The following SLC24A3 variants were observed in gnomAD, a reference collection of about 807,000 sequenced individuals.
The protein encoded by SLC24A3 is sodium/potassium/calcium exchanger 3.
In SLC24A3, 28 loss-of-function variants were observed where a neutral mutation model predicts 75.8. The observed-to-expected ratio is 0.37, with a 90% CI of 0.27 to 0.51. SLC24A3 has a LOEUF of 0.51. Ranked by LOEUF, SLC24A3 falls within the 20% of genes least tolerant of loss-of-function variation. SLC24A3 has a pLI of 0.94. For missense variants in SLC24A3, 663 were observed against 847.8 expected (o/e 0.78, Z 2.71); for synonymous variants, 372 against 334.1 (o/e 1.11, Z -1.24).
At chr20:19,461,260 G>A (rs1237115313) in intron 2 of SLC24A3, among the ~76,000 whole-genome samples, 1 of 152,102 alleles carries the variant, frequency 6.6e-6, no homozygotes, top group Non-Finnish European at 1.5e-5. Flanking sequence ...ATAAGTCCCT[G>A]TCCTCCACCT....
intron 2 of SLC24A3, among the ~76,000 whole-genome samples, chr20:19,460,682 G>T (rs1260845600): frequency 2.6e-5 from 4 of 152,056 alleles, no homozygotes; most frequent in Non-Finnish European, 5.9e-5. Context: ...TTCCCTCCGG[G>T]GTGTTTATGG....
At chr20:19,594,431 T>C (rs371698805) in intron 6 of SLC24A3, among the ~76,000 whole-genome samples, 2 of 152,244 alleles carry the variant, frequency 1.3e-5, no homozygotes, top group African/African-American at 4.8e-5. Context: ...TTAAAGGTGG[T>C]TTGTCTCGTA....
intron 12 of SLC24A3, among the ~76,000 whole-genome samples, chr20:19,691,397 A>C (rs1162516623): frequency 6.6e-6 from 1 of 152,174 alleles, no homozygotes; most frequent in Non-Finnish European, 1.5e-5. Context: ...AAGACCAGGG[A>C]GTATGTGAGC....
chr20:19,648,689 A>G (rs1251140767), intron 6 of SLC24A3, among the ~76,000 whole-genome samples: 3 of 152,198 alleles, frequency 2.0e-5, no homozygotes, highest in Non-Finnish European at 4.4e-5. Flanking sequence ...ATCATAAACA[A>G]TTACTTTTAC....
chr20:19,542,336 T>A (rs1438455249), intron 3 of SLC24A3, among the ~76,000 whole-genome samples: 1 of 152,226 alleles, frequency 6.6e-6, no homozygotes. Flanking sequence ...CATTTTGAAA[T>A]CTGTCTCTGG....
At chr20:19,635,812 C>A (rs879789247) in intron 6 of SLC24A3, among the ~76,000 whole-genome samples, 33 of 152,148 alleles carry the variant, frequency 2.2e-4, no homozygotes, top group Non-Finnish European at 4.9e-4. Context: ...ACTTTCATGG[C>A]AGCTTAGGGC....
In SLC24A3 at chr20:19,236,362, A is replaced by G. The variant is rs116339250; in HGVS notation, c.142+23378A>G. On this transcript the variant is annotated intron_variant, in intron 1 of 16. Coordinates refer to ENST00000328041, the MANE Select transcript of SLC24A3 (RefSeq NM_020689.4). ...AGGGGGAAGCCAGCAGTGCCTTCCT[A>G]GAGAAGCTTGGAGTTTCTGTCCCTC... 2.6e-5 allele frequency among the ~76,000 whole-genome samples: 4 copies of G among 152,296 alleles called. 1 individual carries two copies. In the South Asian group the frequency reaches 8.3e-4, roughly 32 times the overall value.
chr20:19,232,222 T>C (rs1249731061), intron 1 of SLC24A3, among the ~76,000 whole-genome samples: 1 of 152,236 alleles, frequency 6.6e-6, no homozygotes, highest in Non-Finnish European at 1.5e-5. Context: ...ATATTATTCA[T>C]GTAGGTAGTA....
chr20:19,493,605 C>G (rs1988237343), intron 2 of SLC24A3, among the ~76,000 whole-genome samples: 1 of 152,146 alleles, frequency 6.6e-6, no homozygotes, highest in African/African-American at 2.4e-5. Flanking sequence ...AAATGTGAAG[C>G]AGTCATCAGA....
chr20:19,328,690 T>C (rs2122289210), intron 2 of SLC24A3, among the ~76,000 whole-genome samples: 1 of 152,224 alleles, frequency 6.6e-6, no homozygotes, highest in East Asian at 1.9e-4. Context: ...TTGGAAGTGC[T>C]CATTTTGAGA....
intron 6 of SLC24A3, among the ~76,000 whole-genome samples, chr20:19,650,235 T>G (rs1469267675): frequency 1.3e-5 from 2 of 152,100 alleles, no homozygotes; most frequent in Non-Finnish European, 2.9e-5. Context: ...TTGATTACAA[T>G]CCAGACATTG....
At chr20:19,444,200 A>C (rs745573958) in intron 2 of SLC24A3, among the ~76,000 whole-genome samples, 1 of 152,188 alleles carries the variant, frequency 6.6e-6, no homozygotes, top group Non-Finnish European at 1.5e-5. Context: ...GTCATGGCGT[A>C]TAATTTTTAT....
intron 2 of SLC24A3, among the ~76,000 whole-genome samples, chr20:19,514,599 G>A (rs991131378): frequency 6.6e-6 from 1 of 152,190 alleles, no homozygotes; most frequent in African/African-American, 2.4e-5. Flanking sequence ...AGGAGCCGTG[G>A]ATTCCTATCG....
At chr20:19,522,899 C>G (rs2030130282) in intron 3 of SLC24A3, among the ~76,000 whole-genome samples, 1 of 151,958 alleles carries the variant, frequency 6.6e-6, no homozygotes, top group Non-Finnish European at 1.5e-5. Flanking sequence ...TATTTATCAC[C>G]TCACATTCTT....
chr20:19,678,813 C>T (rs2032570501), intron 9 of SLC24A3, among the ~76,000 whole-genome samples: 1 of 151,290 alleles, frequency 6.6e-6, no homozygotes, highest in African/African-American at 2.4e-5. Context: ...GGAGGGTCTC[C>T]TCCCTTCTCA....
At chr20:19,327,945 T>A (rs1458831560) in intron 2 of SLC24A3, among the ~76,000 whole-genome samples, 1 of 151,312 alleles carries the variant, frequency 6.6e-6, no homozygotes, top group African/African-American at 2.4e-5. Flanking sequence ...AACAAAAACA[T>A]GCACAAATAA....
intron 2 of SLC24A3, among the ~76,000 whole-genome samples, chr20:19,506,150 C>T (rs571909784): frequency 2.4e-4 from 36 of 152,184 alleles, no homozygotes; most frequent in Non-Finnish European, 4.7e-4. Context: ...TGGTAAAGGA[C>T]GGATTCAAAT....
intron 15 of SLC24A3, among the ~76,000 whole-genome samples, chr20:19,716,151 G>A (rs1287105970): frequency 6.6e-6 from 1 of 152,150 alleles, no homozygotes; most frequent in Non-Finnish European, 1.5e-5. Flanking sequence ...TTTCTAACAA[G>A]TTCCCGAGAG....
At chr20:19,499,806 G>T (rs1386498086) in intron 2 of SLC24A3, among the ~76,000 whole-genome samples, 1 of 152,044 alleles carries the variant, frequency 6.6e-6, no homozygotes, top group Non-Finnish European at 1.5e-5. Context: ...TTACATACAT[G>T]TACACACATG....
Sources: gnomAD v4.1 joint callset for allele counts (sites outside exome capture counted in the v4.1 genomes callset) on GRCh38, gnomAD v4.1.1 for gene constraint, MANE v1.5 for transcripts, NCBI Gene and HGNC (gene_info 2026-07-23, HGNC 2026-07-21) for gene names.